USP2: variants seen among roughly 807,000 people sequenced by gnomAD.
USP2 encodes the protein ubiquitin specific peptidase 2.
A neutral mutation model predicts 72.0 loss-of-function variants in USP2; 33 were observed. That is an observed-to-expected ratio of 0.46 (90% CI 0.35 to 0.61). The LOEUF (loss-of-function observed/expected upper bound fraction) is 0.61. USP2 is among the 20% of genes least tolerant of loss of function. USP2 has a pLI of 0.01. For synonymous variants in USP2, 296 were observed against 312.5 expected (o/e 0.95, Z 0.56); for missense variants, 691 against 797.8 (o/e 0.87, Z 1.61).
At chr11:119,380,431 C>T (rs1951046959) in intron 1 of USP2, among the ~76,000 whole-genome samples, 1 of 152,104 alleles carries the variant, frequency 6.6e-6, no homozygotes, top group Non-Finnish European at 1.5e-5. Flanking sequence ...TGCTTGGCCC[C>T]TCTGGGGTGG....
chr11:119,379,380 G>GCCCC, intron 1 of USP2: 1 of 378,128 alleles, frequency 2.6e-6, no homozygotes, highest in Non-Finnish European at 3.6e-6. Flanking sequence ...GGTGGGGGTG[G>GCCCC]AACTTGAGAC....
intron 1 of USP2, among the ~76,000 whole-genome samples, chr11:119,381,157 A>C (rs1350032926): frequency 6.6e-6 from 1 of 151,898 alleles, no homozygotes; most frequent in Non-Finnish European, 1.5e-5. Flanking sequence ...ACACGTGGGG[A>C]GGGGGTTTGT....
intron 2 of USP2, chr11:119,363,951 G>A: frequency 2.3e-6 from 3 of 1,297,772 alleles, no homozygotes; most frequent in Non-Finnish European, 3.0e-6. Flanking sequence ...GAAAGGGGGC[G>A]GCGGGGGGGT....
At chr11:119,377,106 G>T (rs1334604502) in intron 1 of USP2, among the ~76,000 whole-genome samples, 1 of 152,204 alleles carries the variant, frequency 6.6e-6, no homozygotes, top group Non-Finnish European at 1.5e-5. Flanking sequence ...GCTTAAAACT[G>T]CACTAAGGCT....
At chr11:119,375,139 C>T (rs936814027) in intron 1 of USP2, among the ~76,000 whole-genome samples, 1 of 152,232 alleles carries the variant, frequency 6.6e-6, no homozygotes, top group Middle Eastern at 3.2e-3. Flanking sequence ...GAGAAACAGG[C>T]AGTGGGCAGA....
intron 2 of USP2, among the ~76,000 whole-genome samples, chr11:119,368,890 A>G (rs887031078): frequency 7.2e-5 from 11 of 152,154 alleles, no homozygotes; most frequent in African/African-American, 2.4e-4. Flanking sequence ...AGGGCTAGGG[A>G]GGAGCAGCTG....
intron 2 of USP2, 80 bp from the exon 3 acceptor site, chr11:119,360,314 C>T: frequency 9.1e-6 from 13 of 1,423,348 alleles, no homozygotes; most frequent in Non-Finnish European, 1.3e-5. Context: ...CAATTTCTAA[C>T]CAGCTGGAGC....
intron 1 of USP2, among the ~76,000 whole-genome samples, chr11:119,376,862 C>T (rs1424382998): frequency 6.6e-6 from 1 of 152,282 alleles, no homozygotes; most frequent in African/African-American, 2.4e-5. Flanking sequence ...CCATGTGACG[C>T]ATTCTTCTAG....
At chr11:119,357,072 TC>T in intron 12 of USP2, 114 bp downstream of exon 12, 1 of 1,100,344 alleles carries the variant, frequency 9.1e-7, no homozygotes, top group Non-Finnish European at 1.2e-6. Context: ...TGCCATCCAT[TC>T]TCGGTGTAAG....
intron 2 of USP2, among the ~76,000 whole-genome samples, chr11:119,361,617 AG>A (rs1950766636): frequency 1.7e-5 from 2 of 118,636 alleles, no homozygotes; most frequent in South Asian, 6.1e-4. Flanking sequence ...GCTGGGGGGG[AG>A]GGGTGTGGGT....
At chr11:119,358,341 G>C (rs568770380) in intron 7 of USP2, 89 bp from the exon 8 acceptor site, 2 of 1,262,930 alleles carry the variant, frequency 1.6e-6, no homozygotes, top group East Asian at 2.5e-5. Flanking sequence ...TTTTGAGATG[G>C]AGTTTTGCTC....
chr11:119,375,903 C>T (rs926198446), intron 1 of USP2, among the ~76,000 whole-genome samples: 5 of 152,172 alleles, frequency 3.3e-5, no homozygotes, highest in East Asian at 1.9e-4. Flanking sequence ...GCTTTGGAGC[C>T]GGAGGTGGGG....
At chr11:119,373,652 C>T in intron 1 of USP2, 131 bp from the exon 2 acceptor site, 1 of 882,850 alleles carries the variant, frequency 1.1e-6, no homozygotes, top group African/African-American at 1.7e-5. Flanking sequence ...AGGCTGGCTG[C>T]TGAGAAGCAC....
chr11:119,378,033 A>G (rs1951022550), intron 1 of USP2, among the ~76,000 whole-genome samples: 1 of 152,094 alleles, frequency 6.6e-6, no homozygotes, highest in Non-Finnish European at 1.5e-5. Context: ...CCTCCTACTC[A>G]GGTGCCCGGA....
intron 12 of USP2, 21 bp downstream of exon 12, chr11:119,357,166 C>T (rs771127207): frequency 2.9e-5 from 46 of 1,612,218 alleles, no homozygotes; most frequent in Non-Finnish European, 3.7e-5. Flanking sequence ...CCAGGGGCTC[C>T]GGCCCTGCCC....
rs1247300816 is a variant in USP2 at position 119,358,032 on chromosome 11, G to C, written c.1371C>G (p.Asp457Glu). ...KRGYPEVTLM[D>E]CMRLFTKEDV... ...CCTCTTTGGTGAAGAGCCTCATGCA[G>C]TCCATTAATGTCACCTCAGGATAAC... is the stretch of plus-strand genomic sequence containing the variant. The change falls in exon 9 of 13, where the codon GAC becomes GAG. Residue 457 changes from aspartate (D) to glutamate (E), a missense_variant. Coordinates refer to ENST00000260187, the MANE Select transcript of USP2 (RefSeq NM_004205.5). The C allele has an allele frequency of 6.2e-7, 1 of 1,614,076 alleles. No homozygotes were observed. Among genetic ancestry groups the C allele is most frequent in the Non-Finnish European group, 8.5e-7 (1 of 1,180,046 alleles).
intron 2 of USP2, among the ~76,000 whole-genome samples, chr11:119,365,546 C>G (rs988361789): frequency 6.6e-6 from 1 of 152,196 alleles, no homozygotes; most frequent in African/African-American, 2.4e-5. Flanking sequence ...TTTCTCCAAG[C>G]CTCCTTTCCA....
chr11:119,359,138 A>G lies in USP2; in HGVS notation c.1062-4T>C, dbSNP rs1265224105. ...GAACTCCTGAGCATCCTGCTGACTG[A>G]ACCCAAAGGAAGGAGGGTGAGCAAC... On this transcript the variant is annotated splice_region_variant and splice_polypyrimidine_tract_variant and intron_variant, in intron 5 of 12. Coordinates refer to ENST00000260187, the MANE Select transcript of USP2 (RefSeq NM_004205.5). 1 of 1,613,906 alleles carries G rather than the reference A, an allele frequency of 6.2e-7. No homozygotes were observed. Among genetic ancestry groups the G allele is most frequent in the African/African-American group, 1.3e-5 (1 of 74,912 alleles).
chr11:119,373,185 G>C lies in USP2; in HGVS notation c.296C>G (p.Thr99Ser), dbSNP rs12161775. Reference protein sequence around the residue: ...GKRAESQTRGTERPLGSGLSG... With the variant: ...GKRAESQTRGSERPLGSGLSG... ...GAGGCCACTGCCTAAAGGCCGCTCAGTACCCCGGGTCTGGCTCTCTGCCCG... is the reference window on the plus strand; with the variant it reads ...GAGGCCACTGCCTAAAGGCCGCTCACTACCCCGGGTCTGGCTCTCTGCCCG... Residue 99 changes from threonine (T) to serine (S), a missense_variant, in exon 2 of 13, where the codon ACT becomes AGT. Transcript: ENST00000260187. The C allele has an allele frequency of 6.2e-7, 1 of 1,614,136 alleles. No individual in the cohort carries two copies. Among genetic ancestry groups the C allele is most frequent in the African/African-American group, 1.3e-5 (1 of 75,044 alleles).
Sources: allele counts gnomAD v4.1 joint callset (sites outside exome capture counted in the v4.1 genomes callset), GRCh38; gene constraint gnomAD v4.1.1; transcripts MANE v1.5; gene names NCBI Gene and HGNC (gene_info 2026-07-23, HGNC 2026-07-21).